Variants in PCDHA6 observed in about 807,000 individuals in gnomAD.
PCDHA6 encodes protocadherin alpha-6.
Under a neutral mutation model 60.3 loss-of-function variants are expected in PCDHA6, and 55 were observed. The ratio of observed to expected loss-of-function variants is 0.91; its 90% CI spans 0.73 to 1.14. The LOEUF (loss-of-function observed/expected upper bound fraction) is 1.14. PCDHA6 is among the 50% of genes most tolerant of loss of function. The probability of loss-of-function intolerance (pLI) is 0.00; values close to 1 mark genes in which losing one functional copy is unlikely to be tolerated. For missense variants in PCDHA6, 1,327 were observed against 1,256.5 expected, an observed-to-expected ratio of 1.06 and a Z score of -0.85; for synonymous variants, 652 against 557.9, an observed-to-expected ratio of 1.17 and a Z score of -2.38.
intron 1 of PCDHA6, chr5:140,835,544 C>T (rs1773719176): frequency 2.5e-6 from 4 of 1,613,968 alleles, no homozygotes; most frequent in South Asian, 2.2e-5. Flanking sequence ...AGGTTACCTG[C>T]TCCCTGACGC....
chr5:140,906,021 A>G (rs1422492231), intron 1 of PCDHA6, among the ~76,000 whole-genome samples: 1 of 152,182 alleles, frequency 6.6e-6, no homozygotes, highest in African/African-American at 2.4e-5. Context: ...TAATCTCTCC[A>G]CGTTCTTCTG....
chr5:140,966,864 T>A, intron 1 of PCDHA6: 1 of 1,564,920 alleles, frequency 6.4e-7, no homozygotes. Flanking sequence ...CTGCTGTTGC[T>A]GCTGCTGCTA....
intron 2 of PCDHA6, among the ~76,000 whole-genome samples, chr5:140,981,130 CAA>C (rs1267278229): frequency 6.6e-6 from 1 of 152,186 alleles, no homozygotes; most frequent in East Asian, 1.9e-4. Flanking sequence ...TGTTTGAAGT[CAA>C]AGAGTGAGAA....
At chr5:140,888,234 G>A (rs1554183382) in intron 1 of PCDHA6, among the ~76,000 whole-genome samples, 2 of 152,250 alleles carry the variant, frequency 1.3e-5, no homozygotes, top group East Asian at 1.9e-4. Flanking sequence ...ATGTGTGTGC[G>A]TGTTCCTTTA....
intron 1 of PCDHA6, chr5:140,883,880 C>A: frequency 6.2e-7 from 1 of 1,613,304 alleles, no homozygotes. Context: ...GGTGAGCGCG[C>A]GCGACTCTGG....
chr5:140,935,057 G>A (rs2090168860), intron 1 of PCDHA6, among the ~76,000 whole-genome samples: 1 of 152,034 alleles, frequency 6.6e-6, no homozygotes, highest in Non-Finnish European at 1.5e-5. Flanking sequence ...ATTACAAGAT[G>A]TTCAGATTAT....
Position 140,966,702 on chromosome 5 carries a change from G to A in PCDHA6, c.2395-12247G>A, listed in dbSNP as rs2153748522. On this transcript the variant is annotated intron_variant, in intron 1 of 3. Transcript: ENST00000529310. Reference sequence around the variant, plus strand: ...ACGAGCGGAGGCGGGGCCCGGGCGTGGGGCACGGCTGGGGAAGCTGCCGCC... The same window carrying A: ...ACGAGCGGAGGCGGGGCCCGGGCGTAGGGCACGGCTGGGGAAGCTGCCGCC... 3.7e-6 allele frequency: 5 copies of A among 1,367,880 alleles called. No homozygotes were observed. The South Asian group carries it at 6.9e-5, about 19-fold the overall frequency. 84.7% of individuals were successfully genotyped at this position (1,367,880 alleles called of 1,614,324 possible).
At chr5:140,927,808 T>C (rs782535814) in intron 1 of PCDHA6, 116 of 1,614,090 alleles carry the variant, frequency 7.2e-5, no homozygotes, top group Non-Finnish European at 9.6e-5. Context: ...TGAAACGCTC[T>C]TGGAGGCATA....
intron 1 of PCDHA6, among the ~76,000 whole-genome samples, chr5:140,973,394 A>C (rs1263015635): frequency 6.6e-6 from 1 of 152,244 alleles, no homozygotes; most frequent in African/African-American, 2.4e-5. Flanking sequence ...CAAAGAAATC[A>C]TATCTATGAG....
At chr5:140,840,103 A>T (rs1298281251) in intron 1 of PCDHA6, among the ~76,000 whole-genome samples, 2 of 152,168 alleles carry the variant, frequency 1.3e-5, no homozygotes, top group East Asian at 1.9e-4. Flanking sequence ...ATTTTAGTGA[A>T]ATCGAGTGAA....
At chr5:140,999,138 C>G (rs530740266) in intron 3 of PCDHA6, among the ~76,000 whole-genome samples, 1 of 152,258 alleles carries the variant, frequency 6.6e-6, no homozygotes, top group East Asian at 1.9e-4. Context: ...AATGTCACAG[C>G]CGGAAGTCTT....
chr5:140,831,798 C>T (rs1370257293), intron 1 of PCDHA6, among the ~76,000 whole-genome samples: 1 of 152,186 alleles, frequency 6.6e-6, no homozygotes, highest in African/African-American at 2.4e-5. Context: ...ATTTCAGTTT[C>T]TTCTGTAAAG....
chr5:140,884,484 T>TA, intron 1 of PCDHA6: 1 of 1,613,922 alleles, frequency 6.2e-7, no homozygotes, highest in Non-Finnish European at 8.5e-7. Flanking sequence ...AAGCCCACTC[T>TA]AGTGTGCTCC....
At chr5:140,877,272 C>T in intron 1 of PCDHA6, 3 of 1,613,832 alleles carry the variant, frequency 1.9e-6, no homozygotes, top group Non-Finnish European at 2.5e-6. Flanking sequence ...TGGACGCTGA[C>T]TCCGGCTATA....
In PCDHA6 at chr5:140,848,974, C is replaced by T. The variant is rs2150427496; in HGVS notation, c.2394+18489C>T. On this transcript the variant is annotated intron_variant, in intron 1 of 3. Coordinates refer to ENST00000529310, the MANE Select transcript of PCDHA6 (RefSeq NM_018909.4). ...TTTCCACTAGAGGGCGCGTCCGATG[C>T]AGATATCGGGGAGAACGCCCTGCTC... 302 of 1,600,986 alleles carry T rather than the reference C, an allele frequency of 1.9e-4. 1 individual carries two copies. The highest frequency in any genetic ancestry group is 2.4e-4 in the Non-Finnish European group (280 of 1,171,990).
At chr5:140,882,114 C>T (rs1464753090) in intron 1 of PCDHA6, 25 of 1,406,582 alleles carry the variant, frequency 1.8e-5, no homozygotes, top group Non-Finnish European at 2.2e-5. Flanking sequence ...AAGAAAGCCG[C>T]CGTTTCTTTC....
intron 1 of PCDHA6, chr5:140,843,194 G>T: frequency 6.3e-7 from 1 of 1,596,036 alleles, no homozygotes; most frequent in East Asian, 2.2e-5. Context: ...GTTCCGCGTG[G>T]GGCTGTACAC....
At chr5:140,916,279 C>T (rs2077510203) in intron 1 of PCDHA6, among the ~76,000 whole-genome samples, 1 of 152,228 alleles carries the variant, frequency 6.6e-6, no homozygotes, top group Admixed American at 6.5e-5. Context: ...TGTTGCTCTA[C>T]TCCACGTGGC....
chr5:140,875,865 G>C (rs782211791), intron 1 of PCDHA6: 6 of 1,614,160 alleles, frequency 3.7e-6, no homozygotes, highest in Non-Finnish European at 5.1e-6. Context: ...ACAACCCGCC[G>C]GTGTTCAGAG....
Sources: allele counts gnomAD v4.1 joint callset (sites outside exome capture counted in the v4.1 genomes callset), GRCh38; gene constraint gnomAD v4.1.1; transcripts MANE v1.5; gene names NCBI Gene and HGNC (gene_info 2026-07-23, HGNC 2026-07-21).